SHTN1: variants seen among roughly 807,000 people sequenced by gnomAD.
SHTN1 encodes the protein shootin 1.
In SHTN1, 42 loss-of-function variants were observed where a neutral mutation model predicts 83.1. The ratio of observed to expected loss-of-function variants is 0.51; its 90% CI spans 0.39 to 0.65. The LOEUF (loss-of-function observed/expected upper bound fraction) is 0.65, where lower values mean the gene tolerates loss of function less well. Among genes scored for constraint, SHTN1 ranks in the 30% least tolerant of loss-of-function variants. The pLI, the probability that SHTN1 is intolerant of heterozygous loss-of-function variation, is 0.00. For missense variants in SHTN1, 622 were observed against 737.8 expected, an observed-to-expected ratio of 0.84 and a Z score of 1.82; for synonymous variants, 224 against 247.7, an observed-to-expected ratio of 0.90 and a Z score of 0.90.
intron 9 of SHTN1, among the ~76,000 whole-genome samples, chr10:116,935,090 T>C (rs1437173504): frequency 1.3e-5 from 2 of 152,238 alleles, no homozygotes; most frequent in East Asian, 3.8e-4. Context: ...TTTCTAAATA[T>C]ACAATCATGT....
intron 1 of SHTN1, among the ~76,000 whole-genome samples, chr10:117,001,700 A>G (rs753046939): frequency 5.9e-5 from 9 of 152,226 alleles, no homozygotes; most frequent in Non-Finnish European, 1.3e-4. Context: ...AGTTAACAAC[A>G]ATGTATTATA....
chr10:117,019,645 C>T (rs1852231526), intron 2 of SHTN1, among the ~76,000 whole-genome samples: 1 of 151,790 alleles, frequency 6.6e-6, no homozygotes, highest in African/African-American at 2.4e-5. Context: ...GGTTCAAGAC[C>T]AGCCTGGGCA....
At chr10:116,951,810 T>C (rs972350536) in intron 6 of SHTN1, 99 bp downstream of exon 6, 4 of 506,158 alleles carry the variant, frequency 7.9e-6, no homozygotes, top group Non-Finnish European at 1.1e-5. Flanking sequence ...ATGGTTCTCA[T>C]GTTAGAAATT....
At chr10:117,017,665 C>A (rs1852199968) in intron 2 of SHTN1, among the ~76,000 whole-genome samples, 1 of 152,004 alleles carries the variant, frequency 6.6e-6, no homozygotes, top group East Asian at 1.9e-4. Flanking sequence ...AAATATACCC[C>A]CGCAGGGGTT....
rs1402821642 is a variant in SHTN1, at chr10:116,882,200, C to CT, written c.*4143dup. ...CATCTCACTTTCCTACCCTTGATTC[C>CT]TTTTTTCCTAATTCCCTCTCCTTTT... On this transcript the variant is annotated 3_prime_UTR_variant, in exon 17 of 17. Transcript: ENST00000355371. 1 of 151,982 alleles carries CT rather than the reference C, an allele frequency of 6.6e-6. No homozygotes were observed. The highest frequency in any genetic ancestry group is 2.4e-5 in the African/African-American group (1 of 41,262). The allele number at this position is 151,982 out of a possible 1,614,324, so 9.4% of individuals were successfully genotyped here.
chr10:116,918,217 C>G (rs775695363), intron 12 of SHTN1, among the ~76,000 whole-genome samples: 20 of 151,972 alleles, frequency 1.3e-4, no homozygotes, highest in Non-Finnish European at 2.2e-4. Flanking sequence ...AAAATAAAAT[C>G]AAATGCTCTT....
chr10:116,981,960 A>C (rs1851036368), intron 1 of SHTN1, among the ~76,000 whole-genome samples: 1 of 152,174 alleles, frequency 6.6e-6, no homozygotes, highest in African/African-American at 2.4e-5. Flanking sequence ...TCAGAGGCTA[A>C]GGCAGAAGAA....
intron 3 of SHTN1, 119 bp downstream of exon 3, chr10:116,968,533 A>G (rs1437094038): frequency 1.6e-6 from 1 of 641,560 alleles, no homozygotes; most frequent in African/African-American, 1.8e-5. Flanking sequence ...AATAGAAAGA[A>G]GTCTTGCTTT....
chr10:116,920,833 C>T (rs137911951), intron 12 of SHTN1, among the ~76,000 whole-genome samples: 10 of 152,170 alleles, frequency 6.6e-5, no homozygotes, highest in Middle Eastern at 6.8e-3. Flanking sequence ...TCCACTGCTC[C>T]TCTATTTAAA....
chr10:116,962,847 G>C (rs1262989562), intron 3 of SHTN1, among the ~76,000 whole-genome samples: 1 of 151,856 alleles, frequency 6.6e-6, no homozygotes, highest in Non-Finnish European at 1.5e-5. Flanking sequence ...AATTATTCCA[G>C]TGCTAAACTG....
rs1022346502 is a variant in SHTN1 at position 116,899,529 on chromosome 10, G to A, written c.1673+2236C>T. Among the ~76,000 whole-genome samples the A allele has an allele frequency of 8.1e-5, 7 of 86,946 alleles. No individual in the cohort carries two copies. The East Asian group carries it at 1.9e-3, about 23-fold the overall frequency. The allele number at this position is 86,946 out of a possible 152,430, so 57.0% of individuals were successfully genotyped here. On this transcript the variant is annotated intron_variant, in intron 16 of 16. Transcript: ENST00000355371. ...CTGGTGTGTGTGTGTGTGTGTGTGT[G>A]TGTGTGTGTGTGTGTGTGAGAGAGT...
rs776303094 is a variant in SHTN1 at position 117,119,301 on chromosome 10, A to G, written c.-189+7006T>C. Among the ~76,000 whole-genome samples, 14 of 152,234 alleles carry G rather than the reference A, an allele frequency of 9.2e-5. No homozygotes were observed. The East Asian group carries it at 2.7e-3, about 29-fold the overall frequency. On this transcript the variant is annotated intron_variant, in intron 1 of 17. Transcript: ENST00000392901. The stretch of plus-strand genomic sequence containing the variant: ...ATATTTGCAAACTGCCCATCTGACA[A>G]GAGATCAATAACCAAAATATATAAG...
intron 16 of SHTN1, among the ~76,000 whole-genome samples, chr10:116,890,040 T>C (rs1191811641): frequency 3.3e-5 from 5 of 152,178 alleles, no homozygotes; most frequent in Admixed American, 3.3e-4. Context: ...ACCCAAGTTC[T>C]CACTCTAGTA....
At chr10:117,081,040 T>C (rs1853253260) in intron 1 of SHTN1, among the ~76,000 whole-genome samples, 1 of 152,130 alleles carries the variant, frequency 6.6e-6, no homozygotes, top group Admixed American at 6.6e-5. Context: ...TTCTCCCACC[T>C]AATTGCCCTG....
chr10:116,968,766 GA>G, intron 2 of SHTN1, 54 bp from the exon 3 acceptor site: 1 of 1,413,522 alleles, frequency 7.1e-7, no homozygotes, highest in South Asian at 1.2e-5. Flanking sequence ...TTTTAAGTTT[GA>G]AAAGGCAAGC....
intron 1 of SHTN1, among the ~76,000 whole-genome samples, chr10:117,121,744 T>C (rs1450351560): frequency 6.6e-6 from 1 of 150,558 alleles, no homozygotes; most frequent in Non-Finnish European, 1.5e-5. Flanking sequence ...ATATTTTAAA[T>C]CATCTTGGCT....
In SHTN1 at chr10:116,882,276, T is replaced by C. The variant is rs1317250204; in HGVS notation, c.*4068A>G. 6.6e-6 allele frequency: 1 copy of C among 152,072 alleles called. No individual in the cohort carries two copies. Among genetic ancestry groups the C allele is most frequent in the African/African-American group, 2.4e-5 (1 of 41,380 alleles). The allele number at this position is 152,072 out of a possible 1,614,324, so 9.4% of individuals were successfully genotyped here. A position where few individuals can be genotyped will look rare whatever the true frequency, so the allele number is the denominator to read the frequency against. ...TTTTATCTTTGCGAGTCTTCTTAGA[T>C]CCTTTTTGGAGTAAGAATGAGTATA... On this transcript the variant is annotated 3_prime_UTR_variant, in exon 17 of 17. Coordinates refer to ENST00000355371, the MANE Select transcript of SHTN1 (RefSeq NM_001127211.3).
chr10:116,991,527 T>G (rs954035852), intron 1 of SHTN1, among the ~76,000 whole-genome samples: 1 of 152,150 alleles, frequency 6.6e-6, no homozygotes, highest in Non-Finnish European at 1.5e-5. Flanking sequence ...AAAGGTGTTA[T>G]GCACTTTTCA....
chr10:117,103,114 G>C (rs112313097), intron 1 of SHTN1, among the ~76,000 whole-genome samples: 4,074 of 152,222 alleles, frequency 0.027, 130 homozygotes, highest in African/African-American at 0.078. Flanking sequence ...TTTTGAGACA[G>C]AGTCTTGCTC....
Sources: allele counts gnomAD v4.1 joint callset (sites outside exome capture counted in the v4.1 genomes callset), GRCh38; gene constraint gnomAD v4.1.1; transcripts MANE v1.5; gene names NCBI Gene and HGNC (gene_info 2026-07-23, HGNC 2026-07-21).